CPHXL: variants seen among roughly 807,000 people sequenced by gnomAD.
CPHXL encodes the protein cytoplasmic polyadenylated homeobox like, also known as cytoplasmic polyadenylated homeobox-like protein.
rs955879531 is a variant in CPHXL, at chr16:75,726,456, A to C, written c.-14T>G. Reference sequence around the variant, plus strand: ...GTCCAAATTCATCTTGGGGTAGAAGACCTGGACTTCACGGAGACCAGCAAG... The same window carrying C: ...GTCCAAATTCATCTTGGGGTAGAAGCCCTGGACTTCACGGAGACCAGCAAG... On this transcript the variant is annotated 5_prime_UTR_variant, in exon 1 of 3. Coordinates refer to ENST00000640559, the MANE Select transcript of CPHXL (RefSeq NM_001355613.1). The C allele has an allele frequency of 5.0e-6, 2 of 398,482 alleles. No homozygotes were observed. Among genetic ancestry groups the C allele is most frequent in the African/African-American group, 2.1e-5 (1 of 48,604 alleles). 24.7% of individuals were successfully genotyped at this position (398,482 alleles called of 1,614,324 possible).
At chr16:75,725,512 G>A (rs1442711105) in intron 1 of CPHXL, among the ~76,000 whole-genome samples, 6 of 151,232 alleles carry the variant, frequency 4.0e-5, no homozygotes. Context: ...GAGTGCAGCG[G>A]CACCATCTCG....
At chr16:75,717,899 T>C (rs1959416444) in intron 2 of CPHXL, among the ~76,000 whole-genome samples, 2 of 152,208 alleles carry the variant, frequency 1.3e-5, no homozygotes, top group East Asian at 3.8e-4. Context: ...CCCTGCATTC[T>C]ACCTCCATCT....
chr16:75,722,797 A>AAAC (rs968160393), intron 1 of CPHXL, among the ~76,000 whole-genome samples: 7 of 151,734 alleles, frequency 4.6e-5, no homozygotes, highest in Non-Finnish European at 1.0e-4. Flanking sequence ...GAGACACAAC[A>AAAC]AAAAGAGAAT....
chr16:75,717,805 G>A (rs996896312), intron 2 of CPHXL, among the ~76,000 whole-genome samples: 1 of 152,172 alleles, frequency 6.6e-6, no homozygotes, highest in Admixed American at 6.5e-5. Context: ...TGGACCCAGT[G>A]GAGATGGAGG....
intron 1 of CPHXL, among the ~76,000 whole-genome samples, chr16:75,719,677 G>T (rs901709451): frequency 3.3e-5 from 5 of 152,186 alleles, no homozygotes; most frequent in African/African-American, 1.2e-4. Context: ...ACCTCCGGGG[G>T]CAGGGAACAG....
chr16:75,724,140 C>T (rs1307422894), intron 1 of CPHXL, among the ~76,000 whole-genome samples: 1 of 152,292 alleles, frequency 6.6e-6, no homozygotes, highest in East Asian at 1.9e-4. Flanking sequence ...GGATTAAACA[C>T]TTAAATGTTA....
intron 1 of CPHXL, among the ~76,000 whole-genome samples, chr16:75,721,034 C>T (rs1032590042): frequency 6.6e-5 from 10 of 152,054 alleles, no homozygotes; most frequent in East Asian, 1.9e-4. Flanking sequence ...ATAAAATCCT[C>T]TACAGACAAG....
intron 2 of CPHXL, among the ~76,000 whole-genome samples, chr16:75,716,188 T>C (rs1313996220): frequency 6.6e-6 from 1 of 152,086 alleles, no homozygotes; most frequent in African/African-American, 2.4e-5. Context: ...TGTGAGCAAA[T>C]GTGTTTTTCC....
chr16:75,725,742 G>A (rs1299911444), intron 1 of CPHXL, among the ~76,000 whole-genome samples: 2 of 122,688 alleles, frequency 1.6e-5, no homozygotes, highest in African/African-American at 5.5e-5. Context: ...GTGAGCCACC[G>A]TGCCCGGCGT....
At chr16:75,723,356 C>T (rs1247467959) in intron 1 of CPHXL, among the ~76,000 whole-genome samples, 4 of 151,850 alleles carry the variant, frequency 2.6e-5, no homozygotes, top group Admixed American at 6.6e-5. Context: ...AAAACCCCAT[C>T]GTCTCAGCCC....
At chr16:75,720,779 G>A (rs200706405) in intron 1 of CPHXL, among the ~76,000 whole-genome samples, 1 of 152,070 alleles carries the variant, frequency 6.6e-6, no homozygotes, top group African/African-American at 2.4e-5. Context: ...CTCAAGAAGA[G>A]CAACTCCAAG....
chr16:75,716,754 A>C (rs1231219551), intron 2 of CPHXL, among the ~76,000 whole-genome samples: 2 of 152,078 alleles, frequency 1.3e-5, no homozygotes, highest in Non-Finnish European at 2.9e-5. Flanking sequence ...GAAAGTCTCA[A>C]TTTTCTAATC....
chr16:75,726,053 G>A (rs1959554792), intron 1 of CPHXL, among the ~76,000 whole-genome samples: 1 of 147,970 alleles, frequency 6.8e-6, no homozygotes, highest in Non-Finnish European at 1.5e-5. Flanking sequence ...TAATGAAAGA[G>A]GTAAAACTTG....
intron 1 of CPHXL, among the ~76,000 whole-genome samples, chr16:75,720,303 C>G (rs1959457282): frequency 6.6e-6 from 1 of 152,060 alleles, no homozygotes; most frequent in African/African-American, 2.4e-5. Flanking sequence ...TCAAACTACT[C>G]CGAGCTAAAG....
intron 1 of CPHXL, among the ~76,000 whole-genome samples, chr16:75,724,088 T>C (rs189644739): frequency 2.8e-4 from 43 of 152,360 alleles, no homozygotes; most frequent in African/African-American, 8.7e-4. Context: ...AAGCTGAAAC[T>C]GGATCCCTTC....
intron 2 of CPHXL, among the ~76,000 whole-genome samples, chr16:75,717,962 C>T (rs1294146277): frequency 6.6e-6 from 1 of 152,134 alleles, no homozygotes; most frequent in East Asian, 1.9e-4. Flanking sequence ...GTGACTCACG[C>T]TTGTAACCCC....
At chr16:75,719,879 C>T (rs1040299547) in intron 1 of CPHXL, among the ~76,000 whole-genome samples, 5 of 152,104 alleles carry the variant, frequency 3.3e-5, no homozygotes, top group Admixed American at 6.5e-5. Context: ...ACACCTCACA[C>T]GGCCGGGTAC....
intron 1 of CPHXL, among the ~76,000 whole-genome samples, chr16:75,721,162 AGACCATCGAG>A (rs1452915490): frequency 6.6e-6 from 1 of 152,222 alleles, no homozygotes; most frequent in African/African-American, 2.4e-5. Flanking sequence ...TCAATTGTTA[AGACCATCGAG>A]GCTAGGAAGA....
chr16:75,715,516 G>A (rs772899699), intron 2 of CPHXL, among the ~76,000 whole-genome samples: 1 of 152,092 alleles, frequency 6.6e-6, no homozygotes, highest in Non-Finnish European at 1.5e-5. Flanking sequence ...CAACCTGTTT[G>A]TGACCCATTT....
Sources: gnomAD v4.1 joint callset for allele counts (sites outside exome capture counted in the v4.1 genomes callset) on GRCh38, gnomAD v4.1.1 for gene constraint, MANE v1.5 for transcripts, NCBI Gene and HGNC (gene_info 2026-07-23, HGNC 2026-07-21) for gene names.